PRKN: variants seen among roughly 807,000 people sequenced by gnomAD.
The protein encoded by PRKN is parkin RBR E3 ubiquitin protein ligase, also known as E3 ubiquitin-protein ligase parkin.
In PRKN, 56 loss-of-function variants were observed where a neutral mutation model predicts 59.5. The ratio of observed to expected loss-of-function variants is 0.94; its 90% CI spans 0.76 to 1.18. The LOEUF (loss-of-function observed/expected upper bound fraction) is 1.18, where lower values mean the gene tolerates loss of function less well. PRKN is among the 50% of genes most tolerant of loss of function. The probability of loss-of-function intolerance (pLI) is 0.00; values close to 1 mark genes in which losing one functional copy is unlikely to be tolerated. For missense variants in PRKN, 657 were observed against 596.4 expected, an observed-to-expected ratio of 1.10 and a Z score of -1.06; for synonymous variants, 250 against 222.1, an observed-to-expected ratio of 1.13 and a Z score of -1.12.
intron 1 of PRKN, among the ~76,000 whole-genome samples, chr6:162,562,309 G>A (rs753411517): frequency 2.6e-5 from 4 of 152,146 alleles, no homozygotes; most frequent in Non-Finnish European, 2.9e-5. Flanking sequence ...CAGGTACCAC[G>A]TCGAGGGCCT....
chr6:162,227,976 A>C (rs1186713725), intron 3 of PRKN, among the ~76,000 whole-genome samples: 1 of 152,026 alleles, frequency 6.6e-6, no homozygotes, highest in African/African-American at 2.4e-5. Flanking sequence ...CCTGAGTGAC[A>C]TCAATGTGTT....
chr6:161,604,343 G>A (rs544745634), intron 7 of PRKN, among the ~76,000 whole-genome samples: 1 of 152,278 alleles, frequency 6.6e-6, no homozygotes, highest in South Asian at 2.1e-4. Flanking sequence ...GCTAGAGCGG[G>A]TTTTCAAAGT....
intron 7 of PRKN, among the ~76,000 whole-genome samples, chr6:161,783,229 T>C (rs1009467391): frequency 2.0e-5 from 3 of 152,000 alleles, no homozygotes; most frequent in African/African-American, 7.2e-5. Context: ...TTGGTAACAC[T>C]GGATTTGAAC....
chr6:161,531,791 G>A (rs879086511), intron 9 of PRKN, among the ~76,000 whole-genome samples: 1 of 152,146 alleles, frequency 6.6e-6, no homozygotes, highest in Non-Finnish European at 1.5e-5. Context: ...TCAGACATGC[G>A]GGTGGATTAC....
Position 161,461,966 on chromosome 6 carries a change from G to C in PRKN, c.1084-75089C>G, listed in dbSNP as rs1453429847. 6.6e-6 allele frequency among the ~76,000 whole-genome samples: 1 copy of C among 152,128 alleles called. No homozygotes were observed. The highest frequency in any genetic ancestry group is 1.5e-5 in the Non-Finnish European group (1 of 68,030). ...CACCTTGAAAATAACAGCGGTTAAA[G>C]GGCAGGTGGAAGACTAGCTTGCAAT... On this transcript the variant is annotated intron_variant, in intron 9 of 11. Transcript: ENST00000366898. The surrounding 1 kb of genome is among the most constrained non-coding windows in gnomAD (Gnocchi z 5.1).
intron 6 of PRKN, among the ~76,000 whole-genome samples, chr6:161,890,984 T>C (rs544711381): frequency 1.3e-5 from 2 of 152,262 alleles, no homozygotes; most frequent in African/African-American, 2.4e-5. Flanking sequence ...TCAGAGTTTC[T>C]CAATCCATTC....
intron 6 of PRKN, among the ~76,000 whole-genome samples, chr6:161,808,076 A>G (rs954713213): frequency 6.6e-6 from 1 of 152,222 alleles, no homozygotes; most frequent in Non-Finnish European, 1.5e-5. Context: ...TCTAAGATAC[A>G]GAATAAGGTA....
intron 2 of PRKN, among the ~76,000 whole-genome samples, chr6:162,302,961 C>CAT (rs1231478745): frequency 9.4e-6 from 1 of 106,884 alleles, no homozygotes; most frequent in African/African-American, 4.4e-5. Flanking sequence ...ATGCCTTAAA[C>CAT]ATACACACAC....
chr6:162,441,187 C>G (rs182416592), intron 2 of PRKN, among the ~76,000 whole-genome samples: 56 of 152,242 alleles, frequency 3.7e-4, no homozygotes, highest in African/African-American at 1.3e-3. Context: ...CAGCATCCTT[C>G]CCCCAACCAA....
intron 6 of PRKN, among the ~76,000 whole-genome samples, chr6:161,899,800 G>A (rs1455058419): frequency 6.6e-6 from 1 of 152,298 alleles, no homozygotes; most frequent in Admixed American, 6.5e-5. Flanking sequence ...GTGGGATTGA[G>A]TACAGCAGGG....
At chr6:162,194,114 T>A (rs188648853) in intron 4 of PRKN, among the ~76,000 whole-genome samples, 1 of 152,190 alleles carries the variant, frequency 6.6e-6, no homozygotes, top group Non-Finnish European at 1.5e-5. Flanking sequence ...AGTTCCCATA[T>A]GGAATTTTGA....
intron 2 of PRKN, among the ~76,000 whole-genome samples, chr6:162,413,291 C>T (rs908889246): frequency 9.2e-5 from 14 of 152,164 alleles, no homozygotes; most frequent in East Asian, 7.7e-4. Flanking sequence ...CTTCAGACCA[C>T]GACACACAGC....
intron 3 of PRKN, among the ~76,000 whole-genome samples, chr6:162,255,966 G>C (rs1029727308): frequency 3.9e-5 from 6 of 152,226 alleles, no homozygotes; most frequent in Admixed American, 3.9e-4. Flanking sequence ...ACTCTAGTGA[G>C]TTTAATTATC....
intron 5 of PRKN, among the ~76,000 whole-genome samples, chr6:162,018,684 A>G (rs1403695818): frequency 1.3e-5 from 2 of 152,184 alleles, no homozygotes; most frequent in African/African-American, 2.4e-5. Context: ...TCAGCTTTTT[A>G]TAATAATCTC....
chr6:162,695,290 G>GT, intron 1 of PRKN, among the ~76,000 whole-genome samples: 1 of 152,198 alleles, frequency 6.6e-6, no homozygotes, highest in South Asian at 2.1e-4. Flanking sequence ...AATTCAAGAT[G>GT]TATCATGCAT....
chr6:161,407,638 A>C lies in PRKN; in HGVS notation c.1084-20761T>G, dbSNP rs567901550. Among the ~76,000 whole-genome samples the C allele has an allele frequency of 6.6e-6, 1 of 152,306 alleles. No homozygotes were observed. The highest frequency in any genetic ancestry group is 2.1e-4 in the South Asian group (1 of 4,824). On this transcript the variant is annotated intron_variant, in intron 9 of 11. Transcript: ENST00000366898. The surrounding 1 kb of genome is among the most constrained non-coding windows in gnomAD (Gnocchi z 4.9). ...CAGGCCTCTGAGTCGAAGCTCAGCC[A>C]TTATAACCCCTGTGACCTGCACATA...
At chr6:162,620,127 T>C (rs1562442958) in intron 1 of PRKN, among the ~76,000 whole-genome samples, 1 of 152,036 alleles carries the variant, frequency 6.6e-6, no homozygotes, top group East Asian at 1.9e-4. Context: ...TTATACCCAT[T>C]CCCTCCTTCT....
intron 2 of PRKN, among the ~76,000 whole-genome samples, chr6:162,438,882 C>T (rs1789909710): frequency 6.6e-6 from 1 of 152,166 alleles, no homozygotes; most frequent in Admixed American, 6.5e-5. Flanking sequence ...CATTTGCCCA[C>T]CATTATCTTC....
chr6:161,976,550 G>GATCCCATTCCTTTTACTCAATCTTTTGAA (rs1781041544), intron 5 of PRKN, among the ~76,000 whole-genome samples: 2 of 152,180 alleles, frequency 1.3e-5, no homozygotes, highest in Non-Finnish European at 2.9e-5. Context: ...CTGAACATAG[G>GATCCCATTCCTTTTACTCAATCTTTTGAA]ATCCCATTCC....
Sources: allele counts gnomAD v4.1 joint callset (sites outside exome capture counted in the v4.1 genomes callset), GRCh38; gene constraint gnomAD v4.1.1; non-coding constraint Gnocchi (gnomAD v3.1); transcripts MANE v1.5; gene names NCBI Gene and HGNC (gene_info 2026-07-23, HGNC 2026-07-21).